Variants in DIAPH3 observed in about 807,000 individuals in gnomAD.
The protein encoded by DIAPH3 is protein diaphanous homolog 3.
In DIAPH3, 117 loss-of-function variants were observed where a neutral mutation model predicts 144.3. The observed-to-expected ratio is 0.81, with a 90% CI of 0.70 to 0.95. The LOEUF (loss-of-function observed/expected upper bound fraction) is 0.95, where lower values mean the gene tolerates loss of function less well. Ranked by LOEUF, DIAPH3 falls within the 40% of genes least tolerant of loss-of-function variation. DIAPH3 has a pLI of 0.00. For missense variants in DIAPH3, 1,421 were observed against 1,412.7 expected (o/e 1.01, Z -0.09); for synonymous variants, 519 against 488.9 (o/e 1.06, Z -0.81).
chr13:60,085,320 G>C (rs545852752), intron 4 of DIAPH3, among the ~76,000 whole-genome samples: 1 of 152,126 alleles, frequency 6.6e-6, no homozygotes, highest in East Asian at 1.9e-4. Flanking sequence ...ACCATGACTA[G>C]ATAATAGTTT....
At chr13:59,928,920 T>A (rs2047883324) in intron 17 of DIAPH3, among the ~76,000 whole-genome samples, 1 of 152,192 alleles carries the variant, frequency 6.6e-6, no homozygotes, top group Non-Finnish European at 1.5e-5. Flanking sequence ...TGTGATCGTA[T>A]GGCAGTCCCA....
intron 22 of DIAPH3, among the ~76,000 whole-genome samples, chr13:59,852,548 G>A (rs563561984): frequency 6.6e-6 from 1 of 152,272 alleles, no homozygotes; most frequent in East Asian, 1.9e-4. Flanking sequence ...ACGTGTTGCA[G>A]GCTGAAGCAG....
intron 25 of DIAPH3, among the ~76,000 whole-genome samples, chr13:59,793,957 C>T (rs1034104299): frequency 1.3e-5 from 2 of 152,170 alleles, no homozygotes; most frequent in African/African-American, 4.8e-5. Flanking sequence ...TCCCAACTTA[C>T]AATTTTTTGA....
At chr13:60,158,899 C>A (rs948720898) in intron 1 of DIAPH3, among the ~76,000 whole-genome samples, 3 of 138,122 alleles carry the variant, frequency 2.2e-5, no homozygotes, top group Non-Finnish European at 4.7e-5. Context: ...TCCTGCCTGG[C>A]CCCTCTTAAA....
chr13:60,052,984 A>AAAAAG (rs2056414285), intron 4 of DIAPH3, among the ~76,000 whole-genome samples: 1 of 146,788 alleles, frequency 6.8e-6, no homozygotes, highest in Admixed American at 6.7e-5. Flanking sequence ...AAAAAAAGAA[A>AAAAAG]TAATAATAAG....
At chr13:59,841,071 T>C (rs1343309837) in intron 22 of DIAPH3, among the ~76,000 whole-genome samples, 2 of 152,166 alleles carry the variant, frequency 1.3e-5, no homozygotes, top group African/African-American at 2.4e-5. Context: ...TCTATTTGAT[T>C]AGGCCAATGG....
intron 9 of DIAPH3, among the ~76,000 whole-genome samples, chr13:59,995,734 T>A (rs1281142927): frequency 3.3e-5 from 5 of 151,746 alleles, no homozygotes; most frequent in Non-Finnish European, 7.4e-5. Flanking sequence ...AGGAAATCAG[T>A]TTTGGAGATG....
At chr13:60,127,729 G>A (rs1350288976) in intron 2 of DIAPH3, among the ~76,000 whole-genome samples, 1 of 152,144 alleles carries the variant, frequency 6.6e-6, no homozygotes, top group African/African-American at 2.4e-5. Context: ...GCCAGGATGG[G>A]AGAAGAGAAT....
chr13:59,980,233 T>A (rs143773840), intron 14 of DIAPH3, among the ~76,000 whole-genome samples: 1 of 151,640 alleles, frequency 6.6e-6, no homozygotes, highest in Non-Finnish European at 1.5e-5. Context: ...AATGGCAATT[T>A]TATAAAGTTC....
intron 22 of DIAPH3, among the ~76,000 whole-genome samples, chr13:59,841,142 T>A (rs1220131952): frequency 2.6e-5 from 4 of 152,176 alleles, no homozygotes; most frequent in Non-Finnish European, 5.9e-5. Flanking sequence ...GTTCTCTATC[T>A]GCATTACATA....
chr13:60,056,009 A>G (rs2056545354), intron 4 of DIAPH3, among the ~76,000 whole-genome samples: 1 of 151,762 alleles, frequency 6.6e-6, no homozygotes, highest in Admixed American at 6.6e-5. Context: ...AGAAATATTA[A>G]TATCAGAAAG....
intron 17 of DIAPH3, among the ~76,000 whole-genome samples, chr13:59,929,554 C>CTTTTTTTTTTTT (rs1167902415): frequency 5.3e-5 from 3 of 56,092 alleles, no homozygotes; most frequent in African/African-American, 1.4e-4. Flanking sequence ...AAATTTTGTT[C>CTTTTTTTTTTTT]TTTTTTTTTT....
intron 24 of DIAPH3, among the ~76,000 whole-genome samples, chr13:59,821,302 T>C (rs17057377): frequency 0.043 from 6,614 of 152,136 alleles, 246 homozygotes; most frequent in South Asian, 0.11. Flanking sequence ...ACATTCCCAC[T>C]AAACACCTTG....
chr13:59,846,608 G>A (rs2042646472), intron 22 of DIAPH3, among the ~76,000 whole-genome samples: 1 of 150,880 alleles, frequency 6.6e-6, no homozygotes, highest in Admixed American at 6.6e-5. Flanking sequence ...ACAAACCTCA[G>A]TAGTATAAAA....
At chr13:59,756,444 A>AG (rs1361699824) in intron 27 of DIAPH3, among the ~76,000 whole-genome samples, 7 of 122,758 alleles carry the variant, frequency 5.7e-5, no homozygotes, top group Admixed American at 2.5e-4. Context: ...AAGGAAGGAA[A>AG]GAAGGAAGGA....
At chr13:60,098,947 T>C (rs1257708392) in intron 3 of DIAPH3, among the ~76,000 whole-genome samples, 2 of 152,202 alleles carry the variant, frequency 1.3e-5, no homozygotes, top group East Asian at 3.8e-4. Context: ...TCCATGGATA[T>C]ATGAAATAAA....
chr13:60,068,810 G>A (rs1566734560), intron 4 of DIAPH3, among the ~76,000 whole-genome samples: 1 of 152,196 alleles, frequency 6.6e-6, no homozygotes, highest in Non-Finnish European at 1.5e-5. Context: ...TTGCTGCAAA[G>A]ATCATGATTT....
intron 24 of DIAPH3, among the ~76,000 whole-genome samples, chr13:59,827,478 G>T (rs1010311465): frequency 1.3e-5 from 2 of 152,010 alleles, no homozygotes; most frequent in South Asian, 4.1e-4. Flanking sequence ...GAGGATGAAA[G>T]CATTAGGAAG....
intron 27 of DIAPH3, among the ~76,000 whole-genome samples, chr13:59,668,343 C>T (rs2032145821): frequency 6.6e-6 from 1 of 152,226 alleles, no homozygotes; most frequent in Admixed American, 6.5e-5. Flanking sequence ...GCTTACTGCT[C>T]CTTCCCCAAA....
Sources: gnomAD v4.1 joint callset for allele counts (sites outside exome capture counted in the v4.1 genomes callset) on GRCh38, gnomAD v4.1.1 for gene constraint, MANE v1.5 for transcripts, NCBI Gene and HGNC (gene_info 2026-07-23, HGNC 2026-07-21) for gene names.